The following TMTC2 variants were observed in gnomAD, a reference collection of about 807,000 sequenced individuals.
TMTC2 encodes protein O-mannosyl-transferase TMTC2.
In TMTC2, 43 loss-of-function variants were observed where a neutral mutation model predicts 82.4. The observed-to-expected ratio is 0.52, with a 90% CI of 0.41 to 0.67. The LOEUF is 0.67. Among genes scored for constraint, TMTC2 ranks in the 30% least tolerant of loss-of-function variants. The pLI, the probability that TMTC2 is intolerant of heterozygous loss-of-function variation, is 0.00. For synonymous variants in TMTC2, 408 were observed against 381.9 expected (o/e 1.07, Z -0.80); for missense variants, 919 against 1,012.4 (o/e 0.91, Z 1.25).
At position 83,072,819 on chromosome 12, in the gene TMTC2, C is replaced by T. The variant is rs74568560; in HGVS notation, c.2331+10988C>T. Among the ~76,000 whole-genome samples the T allele has an allele frequency of 3.4e-4, 52 of 152,100 alleles. No individual in the cohort carries two copies. In the East Asian group the frequency reaches 0.01, roughly 29 times the overall value. ...TTTTGTCTGATATAAATATTGCTAC[C>T]CCTGCTCATTTTTTGTTGCCCATTC... On this transcript the variant is annotated intron_variant, in intron 11 of 11. Transcript: ENST00000321196.
chr12:82,911,588 G>A (rs867815412), intron 3 of TMTC2, among the ~76,000 whole-genome samples: 5 of 151,898 alleles, frequency 3.3e-5, no homozygotes. Context: ...AGTATAAGCC[G>A]TATTCTTATT....
At chr12:82,826,349 C>T (rs1869422053) in intron 1 of TMTC2, among the ~76,000 whole-genome samples, 1 of 152,094 alleles carries the variant, frequency 6.6e-6, no homozygotes, top group Admixed American at 6.6e-5. Context: ...CCCACGAATA[C>T]CATGTTGATA....
intron 8 of TMTC2, among the ~76,000 whole-genome samples, chr12:83,016,375 C>T (rs1880681847): frequency 6.6e-6 from 1 of 152,162 alleles, no homozygotes; most frequent in Non-Finnish European, 1.5e-5. Flanking sequence ...CGTAAGTATG[C>T]CTACTCTTTT....
At chr12:82,961,366 A>G (rs1877923380) in intron 4 of TMTC2, among the ~76,000 whole-genome samples, 1 of 151,964 alleles carries the variant, frequency 6.6e-6, no homozygotes, top group Non-Finnish European at 1.5e-5. Flanking sequence ...ATTTATCCAG[A>G]ACTTCCAAAA....
chr12:82,701,860 A>G (rs1873101020), intron 1 of TMTC2, among the ~76,000 whole-genome samples: 1 of 152,156 alleles, frequency 6.6e-6, no homozygotes, highest in South Asian at 2.1e-4. Flanking sequence ...TAAAGAAAAT[A>G]TGTATTAACT....
intron 1 of TMTC2, among the ~76,000 whole-genome samples, chr12:82,797,851 G>C (rs575354302): frequency 3.0e-4 from 46 of 151,556 alleles, no homozygotes; most frequent in Non-Finnish European, 1.5e-4. Flanking sequence ...TAATTCCTAG[G>C]TACCATGAAT....
chr12:83,040,683 T>C (rs1228836165), intron 9 of TMTC2, among the ~76,000 whole-genome samples: 1 of 148,812 alleles, frequency 6.7e-6, no homozygotes, highest in African/African-American at 2.5e-5. Context: ...CCTTTTCTTT[T>C]TTTTTTTTTT....
chr12:82,737,928 T>C (rs376274201), intron 1 of TMTC2, among the ~76,000 whole-genome samples: 1 of 152,132 alleles, frequency 6.6e-6, no homozygotes, highest in East Asian at 1.9e-4. Context: ...AGAAAGCTTT[T>C]TGGGCAGTGA....
chr12:82,691,197 G>A (rs1183861144), intron 1 of TMTC2, among the ~76,000 whole-genome samples: 1 of 152,122 alleles, frequency 6.6e-6, no homozygotes, highest in African/African-American at 2.4e-5. Context: ...CAATTTGCAG[G>A]TTTGGAAGTA....
chr12:83,038,548 TA>T (rs1294032233), intron 9 of TMTC2, among the ~76,000 whole-genome samples: 1 of 152,138 alleles, frequency 6.6e-6, no homozygotes, highest in African/African-American at 2.4e-5. Context: ...ATATCTGATC[TA>T]AATATCTGAA....
intron 11 of TMTC2, among the ~76,000 whole-genome samples, chr12:83,100,475 A>G (rs371868094): frequency 3.9e-5 from 6 of 152,290 alleles, no homozygotes; most frequent in East Asian, 3.9e-4. Context: ...AGAGGTAGAA[A>G]ATGGTAAAGT....
chr12:82,799,357 G>T (rs145405480), intron 1 of TMTC2, among the ~76,000 whole-genome samples: 2 of 152,056 alleles, frequency 1.3e-5, no homozygotes, highest in Non-Finnish European at 2.9e-5. Context: ...AGTGAGCTTC[G>T]CATATTAAGG....
At chr12:82,917,405 G>A (rs1232339777) in intron 3 of TMTC2, among the ~76,000 whole-genome samples, 1 of 151,936 alleles carries the variant, frequency 6.6e-6, no homozygotes, top group Non-Finnish European at 1.5e-5. Flanking sequence ...TATGGTTAAA[G>A]GCAAGGACTT....
At chr12:83,024,349 A>G (rs1881070507) in intron 8 of TMTC2, among the ~76,000 whole-genome samples, 1 of 152,238 alleles carries the variant, frequency 6.6e-6, no homozygotes, top group Admixed American at 6.5e-5. Context: ...ACTATAATGC[A>G]TGGTTAAACA....
intron 2 of TMTC2, among the ~76,000 whole-genome samples, chr12:82,866,201 T>C (rs1462156000): frequency 6.8e-6 from 1 of 146,752 alleles, no homozygotes; most frequent in Non-Finnish European, 1.5e-5. Context: ...AAAAAAACCC[T>C]TGAAAAAATC....
intron 1 of TMTC2, among the ~76,000 whole-genome samples, chr12:82,702,297 T>G (rs923083095): frequency 6.6e-6 from 1 of 152,226 alleles, no homozygotes; most frequent in Non-Finnish European, 1.5e-5. Context: ...GTTTACTCTG[T>G]TCCTACTGAT....
At chr12:83,046,213 T>A (rs1257803796) in intron 9 of TMTC2, among the ~76,000 whole-genome samples, 1 of 152,184 alleles carries the variant, frequency 6.6e-6, no homozygotes, top group Non-Finnish European at 1.5e-5. Flanking sequence ...ATGCAAATGA[T>A]TACCAGAAGA....
At chr12:83,099,877 A>G (rs959351959) in intron 11 of TMTC2, among the ~76,000 whole-genome samples, 1 of 152,002 alleles carries the variant, frequency 6.6e-6, no homozygotes, top group Non-Finnish European at 1.5e-5. Flanking sequence ...TTATTTTGAT[A>G]ATATGCTATA....
intron 11 of TMTC2, among the ~76,000 whole-genome samples, chr12:83,102,647 A>C (rs933614091): frequency 6.6e-6 from 1 of 152,216 alleles, no homozygotes; most frequent in African/African-American, 2.4e-5. Context: ...AGTATTTCCA[A>C]CCGTGGATAG....
Sources: gnomAD v4.1 joint callset for allele counts (sites outside exome capture counted in the v4.1 genomes callset) on GRCh38, gnomAD v4.1.1 for gene constraint, MANE v1.5 for transcripts, NCBI Gene and HGNC (gene_info 2026-07-23, HGNC 2026-07-21) for gene names.